GOLM2: variants seen among roughly 807,000 people sequenced by gnomAD.
GOLM2 encodes protein GOLM2.
GOLM2 carries 26 observed loss-of-function variants against 55.9 expected under a neutral mutation model. The observed-to-expected ratio is 0.47, with a 90% CI of 0.34 to 0.65. The LOEUF is 0.65. Ranked by LOEUF, GOLM2 falls within the 30% of genes least tolerant of loss-of-function variation. The pLI is 0.01. For missense variants in GOLM2, 486 were observed against 531.8 expected (o/e 0.91, Z 0.85); for synonymous variants, 165 against 194.6 (o/e 0.85, Z 1.27).
At chr15:44,328,829 T>G in intron 3 of GOLM2, 42 bp downstream of exon 3, 1 of 1,309,080 alleles carries the variant, frequency 7.6e-7, no homozygotes, top group Non-Finnish European at 1.0e-6. Flanking sequence ...ATCTAAAATA[T>G]TTGTCCAGCT....
intron 1 of GOLM2, among the ~76,000 whole-genome samples, chr15:44,290,058 G>A (rs967034134): frequency 2.0e-5 from 3 of 152,344 alleles, no homozygotes; most frequent in South Asian, 4.1e-4. Context: ...TGTCATGTCA[G>A]TGTCTTCATT....
chr15:44,319,267 G>A (rs962750768), intron 1 of GOLM2, among the ~76,000 whole-genome samples: 3 of 152,140 alleles, frequency 2.0e-5, no homozygotes, highest in African/African-American at 7.2e-5. Context: ...AGACTGAAGT[G>A]CAGTGGCTTG....
chr15:44,368,016 G>C (rs1279554264), intron 6 of GOLM2, among the ~76,000 whole-genome samples: 3 of 151,714 alleles, frequency 2.0e-5, no homozygotes, highest in Non-Finnish European at 4.4e-5. Context: ...TTAGATTTGT[G>C]GGTTGATGTT....
intron 8 of GOLM2, among the ~76,000 whole-genome samples, chr15:44,386,389 T>C (rs1184028238): frequency 6.6e-6 from 1 of 152,240 alleles, no homozygotes; most frequent in African/African-American, 2.4e-5. Context: ...TACATTTATC[T>C]ATATGTCTCT....
chr15:44,379,037 G>A (rs974691466), intron 6 of GOLM2, among the ~76,000 whole-genome samples: 2 of 152,070 alleles, frequency 1.3e-5, no homozygotes, highest in South Asian at 2.1e-4. Flanking sequence ...GAGCCACTGC[G>A]CCCAGTCCAT....
At chr15:44,390,565 AT>A (rs201684087) in intron 8 of GOLM2, 3,617 of 142,442 alleles carry the variant, frequency 0.025, 107 homozygotes, top group African/African-American at 0.077. Flanking sequence ...TACATATAGA[AT>A]TTTTTTTTTT....
chr15:44,330,900 C>T (rs2079018805), intron 3 of GOLM2, among the ~76,000 whole-genome samples: 1 of 152,088 alleles, frequency 6.6e-6, no homozygotes, highest in South Asian at 2.1e-4. Context: ...AGACATTTCC[C>T]CATAGCCCTA....
chr15:44,360,362 A>G (rs1207137253), intron 6 of GOLM2, among the ~76,000 whole-genome samples: 1 of 152,222 alleles, frequency 6.6e-6, no homozygotes, highest in African/African-American at 2.4e-5. Flanking sequence ...AGAAAGATCT[A>G]CCAAGCAAAT....
intron 4 of GOLM2, among the ~76,000 whole-genome samples, chr15:44,334,803 G>T (rs1237692215): frequency 6.6e-6 from 1 of 152,164 alleles, no homozygotes; most frequent in Non-Finnish European, 1.5e-5. Context: ...AGGCCAAGGT[G>T]GGTGGATCAT....
intron 1 of GOLM2, among the ~76,000 whole-genome samples, chr15:44,321,182 AT>A (rs553511490): frequency 5.5e-4 from 83 of 152,086 alleles, no homozygotes; most frequent in African/African-American, 2.0e-3. Flanking sequence ...ACTATAACAG[AT>A]TGCATGGGCC....
chr15:44,356,175 A>G (rs2079196934), intron 6 of GOLM2, among the ~76,000 whole-genome samples: 1 of 148,116 alleles, frequency 6.8e-6, no homozygotes, highest in Non-Finnish European at 1.5e-5. Flanking sequence ...TAGGAAATTG[A>G]AAAAAAAAAG....
rs1403160790 is a variant in GOLM2, at chr15:44,415,638, C to T, written c.*2232C>T. The T allele has an allele frequency of 2.6e-5, 4 of 152,512 alleles. No individual in the cohort carries two copies. Among genetic ancestry groups the T allele is most frequent in the African/African-American group, 7.2e-5 (3 of 41,432 alleles). 9.4% of individuals were successfully genotyped at this position (152,512 alleles called of 1,614,324 possible). ...ATACTGTTTTTATAATGTTTTACTT[C>T]TGCCTTAAGATTTAGGTTTTTTAAA... On this transcript the variant is annotated 3_prime_UTR_variant, in exon 10 of 10. Coordinates refer to ENST00000299957, the MANE Select transcript of GOLM2 (RefSeq NM_138423.4).
chr15:44,386,644 G>A (rs912756692), intron 8 of GOLM2, among the ~76,000 whole-genome samples: 2 of 152,184 alleles, frequency 1.3e-5, no homozygotes, highest in Middle Eastern at 3.2e-3. Context: ...GCCAAGGCAG[G>A]AGGATCACAT....
In GOLM2 at chr15:44,397,478, CA is replaced by C. The variant is rs1007948393; in HGVS notation, c.1073-5385del. Among the ~76,000 whole-genome samples the C allele has an allele frequency of 5.4e-3, 177 of 32,558 alleles. 1 individual carries two copies. Among genetic ancestry groups the C allele is most frequent in the African/African-American group, 0.016 (131 of 8,226 alleles). The allele number at this position is 32,558 out of a possible 152,430, so 21.4% of individuals were successfully genotyped here. On this transcript the variant is annotated intron_variant, in intron 8 of 9. Coordinates refer to ENST00000299957, the MANE Select transcript of GOLM2 (RefSeq NM_138423.4). ...TGGGTGACAGAGCGAGACTCCGTCT[CA>C]AAAAAAAAAAAAAAAAAAAAAAACA...
chr15:44,297,710 C>A (rs1365875790), intron 1 of GOLM2, among the ~76,000 whole-genome samples: 1 of 150,502 alleles, frequency 6.6e-6, no homozygotes, highest in Non-Finnish European at 1.5e-5. Context: ...TACAGGCACC[C>A]GCCACCAGGC....
At chr15:44,344,840 C>T (rs2079113240) in intron 6 of GOLM2, among the ~76,000 whole-genome samples, 2 of 149,822 alleles carry the variant, frequency 1.3e-5, no homozygotes, top group African/African-American at 4.9e-5. Context: ...TGCAGTGGCG[C>T]AATCTTGGCT....
chr15:44,365,420 AG>A (rs1477609025), intron 6 of GOLM2, among the ~76,000 whole-genome samples: 1 of 152,196 alleles, frequency 6.6e-6, no homozygotes, highest in East Asian at 1.9e-4. Context: ...TCAGCTACCC[AG>A]GACGCTGAGG....
intron 1 of GOLM2, among the ~76,000 whole-genome samples, chr15:44,290,094 A>G (rs1355079516): frequency 6.6e-6 from 1 of 152,254 alleles, no homozygotes; most frequent in Non-Finnish European, 1.5e-5. Context: ...GAAATTTTGT[A>G]TAGCTAAGTT....
At chr15:44,364,142 A>G (rs965648249) in intron 6 of GOLM2, among the ~76,000 whole-genome samples, 1 of 152,214 alleles carries the variant, frequency 6.6e-6, no homozygotes, top group South Asian at 2.1e-4. Flanking sequence ...ATGTATATGT[A>G]TGTAACTAAC....
Sources: gnomAD v4.1 joint callset for allele counts (sites outside exome capture counted in the v4.1 genomes callset) on GRCh38, gnomAD v4.1.1 for gene constraint, MANE v1.5 for transcripts, NCBI Gene and HGNC (gene_info 2026-07-23, HGNC 2026-07-21) for gene names.